Variants in DNMBP observed in about 807,000 individuals in gnomAD.
DNMBP encodes dynamin binding protein, also known as dynamin-binding protein.
A neutral mutation model predicts 150.0 loss-of-function variants in DNMBP; 87 were observed. That is an observed-to-expected ratio of 0.58 (90% CI 0.49 to 0.69). The LOEUF is 0.69. DNMBP is among the 30% of genes least tolerant of loss of function. DNMBP has a pLI of 0.00. For synonymous variants in DNMBP, 711 were observed against 750.4 expected, an observed-to-expected ratio of 0.95 and a Z score of 0.86; for missense variants, 1,774 against 1,949.0, an observed-to-expected ratio of 0.91 and a Z score of 1.69.
chr10:99,880,582 G>C (rs1443593933), intron 15 of DNMBP, among the ~76,000 whole-genome samples: 1 of 152,164 alleles, frequency 6.6e-6, no homozygotes, highest in Non-Finnish European at 1.5e-5. Context: ...TGTGTAGGTA[G>C]AGATGAAGAG....
rs377176374 is a variant in DNMBP at position 99,896,385 on chromosome 10, C to T, written c.2933G>A (p.Arg978His). The change falls in exon 10 of 17, where the codon CGT (arginine) becomes CAT (histidine). Residue 978 changes from arginine (R) to histidine (H), a missense_variant. Physicochemically the swap from Arg to His is conservative, Grantham distance 29. Around this residue, in one of 2 missense-constraint regions of DNMBP, gnomAD observed 1,430 missense variants for 1,492.5 expected, o/e 0.96. Coordinates refer to ENST00000324109, the MANE Select transcript of DNMBP (RefSeq NM_015221.4). ...KRRKDLVLKYRKGDEDSLMEK... is the reference protein window; with the variant it reads ...KRRKDLVLKYHKGDEDSLMEK... ...CATAAGGCTATCTTCATCACCCTTA[C>T]GGTACTTGAGGACTAGGGAGTAAGT... The T allele has an allele frequency of 5.0e-6, 8 of 1,614,096 alleles. No individual in the cohort carries two copies. Among genetic ancestry groups the T allele is most frequent in the South Asian group, 2.2e-5 (2 of 91,074 alleles).
At chr10:99,885,546 G>C (rs2039443374) in intron 14 of DNMBP, 141 bp downstream of exon 14, 3 of 806,914 alleles carry the variant, frequency 3.7e-6, no homozygotes, top group Non-Finnish European at 5.6e-6. Flanking sequence ...ATGAGCCCAT[G>C]ATGGGTGAGA....
intron 1 of DNMBP, among the ~76,000 whole-genome samples, chr10:100,003,369 C>T (rs2041037087): frequency 6.6e-6 from 1 of 151,168 alleles, no homozygotes; most frequent in Non-Finnish European, 1.5e-5. Flanking sequence ...AACAAACAAA[C>T]AAAAAGAACT....
intron 6 of DNMBP, among the ~76,000 whole-genome samples, chr10:99,902,279 C>T (rs2039753149): frequency 6.7e-6 from 1 of 149,138 alleles, no homozygotes; most frequent in African/African-American, 2.5e-5. Context: ...CTCACACTGC[C>T]CTTTCTCACT....
At chr10:100,002,438 T>G (rs945250937) in intron 1 of DNMBP, among the ~76,000 whole-genome samples, 1 of 152,154 alleles carries the variant, frequency 6.6e-6, no homozygotes, top group East Asian at 1.9e-4. Context: ...ACCTCAATAT[T>G]TCTTGAGATA....
chr10:100,008,740 G>A (rs1057080243), intron 1 of DNMBP, among the ~76,000 whole-genome samples: 6 of 152,210 alleles, frequency 3.9e-5, no homozygotes, highest in African/African-American at 1.4e-4. Context: ...AAAATGGGTA[G>A]AGGATAAACT....
At chr10:99,925,147 C>G (rs1380415017) in intron 4 of DNMBP, among the ~76,000 whole-genome samples, 1 of 152,118 alleles carries the variant, frequency 6.6e-6, no homozygotes, top group Non-Finnish European at 1.5e-5. Context: ...TTTCTGTGCA[C>G]TCTGCAGAGA....
rs577454752 is a variant in DNMBP, at chr10:99,962,580, G to GAC, written c.269-5376_269-5375insGT. ...TGGGAGGCGGAGCTTGCAGTGAGCC[G>GAC]AGATTGTGCCACTGCACTCCAGCCT... On this transcript the variant is annotated intron_variant, in intron 3 of 16. Coordinates refer to ENST00000324109, the MANE Select transcript of DNMBP (RefSeq NM_015221.4). Among the ~76,000 whole-genome samples the GAC allele has an allele frequency of 1.8e-3, 273 of 152,174 alleles. 1 individual carries two copies. The highest frequency in any genetic ancestry group is 6.3e-3 in the African/African-American group (260 of 41,514).
chr10:99,993,559 T>G (rs926579386), intron 1 of DNMBP, among the ~76,000 whole-genome samples: 4 of 152,170 alleles, frequency 2.6e-5, no homozygotes, highest in Non-Finnish European at 5.9e-5. Context: ...CCCAGCATTT[T>G]GGGAGGCCAA....
intron 4 of DNMBP, among the ~76,000 whole-genome samples, chr10:99,953,506 A>G (rs1052119323): frequency 6.6e-6 from 1 of 151,968 alleles, no homozygotes; most frequent in Non-Finnish European, 1.5e-5. Flanking sequence ...GCTTACTAAT[A>G]TGGTAATAAA....
At chr10:99,879,470 A>C (rs2039329944) in intron 16 of DNMBP, among the ~76,000 whole-genome samples, 1 of 152,220 alleles carries the variant, frequency 6.6e-6, no homozygotes, top group Admixed American at 6.5e-5. Flanking sequence ...AAAAAAAATA[A>C]AGTATGGTTA....
chr10:99,923,126 C>A (rs2040041603), intron 4 of DNMBP, among the ~76,000 whole-genome samples: 1 of 152,026 alleles, frequency 6.6e-6, no homozygotes, highest in Non-Finnish European at 1.5e-5. Flanking sequence ...TGTGGTGGCT[C>A]ACACCTGTAA....
rs142141736 is a variant in DNMBP, at chr10:99,916,843, C to T, written c.2261-7697G>A. On this transcript the variant is annotated intron_variant, in intron 4 of 16. Coordinates refer to ENST00000324109, the MANE Select transcript of DNMBP (RefSeq NM_015221.4). The stretch of plus-strand genomic sequence containing the variant: ...TAAACAGAAAGAACTAAAATTTCCT[C>T]AAAAGGGTCTGGGTAGAGAGCAGTG... 6.2e-4 allele frequency among the ~76,000 whole-genome samples: 94 copies of T among 152,168 alleles called. 1 individual carries two copies. In the East Asian group the frequency reaches 0.017, roughly 27 times the overall value.
intron 1 of DNMBP, among the ~76,000 whole-genome samples, chr10:100,005,489 C>T (rs746231978): frequency 6.6e-6 from 1 of 152,098 alleles, no homozygotes; most frequent in Admixed American, 6.5e-5. Context: ...CATGGTGGTT[C>T]ATACCTGTAA....
rs555076747 is a variant in DNMBP at position 100,003,433 on chromosome 10, T to C, written c.-11+6405A>G. On this transcript the variant is annotated intron_variant, in intron 1 of 16. Transcript: ENST00000324109. ...GACATGATGTCTACAATTAAAGGGGTCAGGGGAAAAAGCACACAAAGAAAA... is the reference window on the plus strand; with the variant it reads ...GACATGATGTCTACAATTAAAGGGGCCAGGGGAAAAAGCACACAAAGAAAA... 9.9e-5 allele frequency among the ~76,000 whole-genome samples: 15 copies of C among 152,140 alleles called. No individual in the cohort carries two copies. The East Asian group carries it at 2.5e-3, about 25-fold the overall frequency.
Position 99,955,900 on chromosome 10 carries a change from G to C in DNMBP, c.1574C>G (p.Pro525Arg). ...AACAAGCCCTTGGGCTTGCGGACCA[G>C]GCTTCATCTCCAATCTCTCTGAGAT... ...YSISERLEMK[P>R]GPQAQGLVME... The change falls in exon 4 of 17, where the codon CCT becomes CGT. Residue 525 changes from proline to arginine, a missense_variant. Transcript: ENST00000324109. 3.1e-6 allele frequency: 5 copies of C among 1,614,146 alleles called. No individual in the cohort carries two copies. Among genetic ancestry groups the C allele is most frequent in the East Asian group, 2.2e-5 (1 of 44,860 alleles).
intron 12 of DNMBP, among the ~76,000 whole-genome samples, chr10:99,888,075 G>T (rs892792925): frequency 6.6e-6 from 1 of 152,006 alleles, no homozygotes; most frequent in Non-Finnish European, 1.5e-5. Flanking sequence ...CGCCCACCTC[G>T]GCCTCCCAAA....
At chr10:99,973,699 G>A (rs1359364699) in intron 1 of DNMBP, among the ~76,000 whole-genome samples, 1 of 152,238 alleles carries the variant, frequency 6.6e-6, no homozygotes, top group Non-Finnish European at 1.5e-5. Context: ...ACCTGTTGGG[G>A]ACTGGCGCGG....
chr10:99,929,799 G>GTAC (rs1208468046), intron 4 of DNMBP: 1 of 702,640 alleles, frequency 1.4e-6, no homozygotes, highest in Non-Finnish European at 2.6e-6. Context: ...TTCTCCCCTG[G>GTAC]TACACTGAGT....
Sources: allele counts gnomAD v4.1 joint callset (sites outside exome capture counted in the v4.1 genomes callset), GRCh38; gene constraint gnomAD v4.1.1; regional missense constraint gnomAD v4.1.1; transcripts MANE v1.5; gene names NCBI Gene and HGNC (gene_info 2026-07-23, HGNC 2026-07-21).